Variants in PTPRR observed in about 807,000 individuals in gnomAD.
PTPRR encodes receptor-type tyrosine-protein phosphatase R.
Under a neutral mutation model 77.2 loss-of-function variants are expected in PTPRR, and 38 were observed. The ratio of observed to expected loss-of-function variants is 0.49; its 90% CI spans 0.38 to 0.65. PTPRR has a LOEUF of 0.65. PTPRR is among the 30% of genes least tolerant of loss of function. PTPRR has a pLI of 0.00. For missense variants in PTPRR, 744 were observed against 799.2 expected (o/e 0.93, Z 0.83); for synonymous variants, 299 against 283.1 (o/e 1.06, Z -0.57).
chr12:70,847,709 C>A (rs568288189), intron 2 of PTPRR, among the ~76,000 whole-genome samples: 1 of 152,112 alleles, frequency 6.6e-6, no homozygotes, highest in African/African-American at 2.4e-5. Flanking sequence ...CCTCCTACAA[C>A]CCTAATGCTT....
chr12:70,751,787 A>G lies in PTPRR; in HGVS notation c.738+2404T>C, dbSNP rs970823235. On this transcript the variant is annotated intron_variant, in intron 5 of 13. Transcript: ENST00000283228. ...TTCCCTATCTCTTCATTTTCCCGTT[A>G]TTAACATCTTGCATTGGTGTGATTC... Among the ~76,000 whole-genome samples, 7 of 152,148 alleles carry G rather than the reference A, an allele frequency of 4.6e-5. No individual in the cohort carries two copies. In the East Asian group the frequency reaches 1.3e-3, roughly 29 times the overall value.
chr12:70,785,523 T>C (rs1891302984), intron 2 of PTPRR, among the ~76,000 whole-genome samples: 1 of 152,158 alleles, frequency 6.6e-6, no homozygotes, highest in South Asian at 2.1e-4. Flanking sequence ...CCCCTATCCT[T>C]ATAAGCTGTT....
chr12:70,723,499 T>TAA (rs1407988593), intron 6 of PTPRR, among the ~76,000 whole-genome samples: 1 of 152,182 alleles, frequency 6.6e-6, no homozygotes, highest in Non-Finnish European at 1.5e-5. Context: ...TTTCCAAAGA[T>TAA]AAAATCTTAT....
intron 6 of PTPRR, among the ~76,000 whole-genome samples, chr12:70,733,938 G>T (rs1889775283): frequency 6.6e-6 from 1 of 152,132 alleles, no homozygotes; most frequent in South Asian, 2.1e-4. Context: ...TGTTTGGGCA[G>T]TTCATAAAAT....
chr12:70,773,103 T>C (rs1181020793), intron 2 of PTPRR, among the ~76,000 whole-genome samples: 1 of 152,166 alleles, frequency 6.6e-6, no homozygotes, highest in East Asian at 1.9e-4. Context: ...CCTCCCTGTG[T>C]CTTCACGTCT....
At chr12:70,825,441 T>A (rs1378881957) in intron 2 of PTPRR, among the ~76,000 whole-genome samples, 1 of 152,120 alleles carries the variant, frequency 6.6e-6, no homozygotes, top group Non-Finnish European at 1.5e-5. Flanking sequence ...GCAAACTGCA[T>A]CCAAATCCAA....
At chr12:70,821,874 C>T (rs1892020841) in intron 2 of PTPRR, among the ~76,000 whole-genome samples, 1 of 152,008 alleles carries the variant, frequency 6.6e-6, no homozygotes, top group African/African-American at 2.4e-5. Context: ...CTGTGTTAGC[C>T]AGGATGGTCT....
At chr12:70,824,451 A>G (rs1892075338) in intron 2 of PTPRR, among the ~76,000 whole-genome samples, 1 of 152,230 alleles carries the variant, frequency 6.6e-6, no homozygotes, top group Admixed American at 6.5e-5. Flanking sequence ...TCAAGAAACC[A>G]TGGTAGCTAA....
chr12:70,684,646 A>G, intron 9 of PTPRR, 58 bp downstream of exon 9: 1 of 1,213,770 alleles, frequency 8.2e-7, no homozygotes, highest in Non-Finnish European at 1.2e-6. Flanking sequence ...AAAAGAAAAT[A>G]AAACCAACAA....
intron 2 of PTPRR, among the ~76,000 whole-genome samples, chr12:70,887,653 C>T (rs939031813): frequency 6.6e-6 from 1 of 151,990 alleles, no homozygotes; most frequent in Admixed American, 6.6e-5. Flanking sequence ...GTATATTATT[C>T]TAGGTAGAAC....
chr12:70,874,910 G>A (rs1893024114), intron 2 of PTPRR, among the ~76,000 whole-genome samples: 1 of 104,876 alleles, frequency 9.5e-6, no homozygotes, highest in Admixed American at 1.5e-4. Flanking sequence ...GACAGAGTGA[G>A]ACTCCATCTC....
intron 2 of PTPRR, among the ~76,000 whole-genome samples, chr12:70,777,287 T>C (rs1430734275): frequency 6.6e-6 from 1 of 152,094 alleles, no homozygotes; most frequent in Non-Finnish European, 1.5e-5. Context: ...CTTTGCTATT[T>C]TATGTTTTTT....
chr12:70,794,157 A>C (rs748389137), intron 2 of PTPRR, among the ~76,000 whole-genome samples: 26 of 152,342 alleles, frequency 1.7e-4, no homozygotes, highest in Non-Finnish European at 3.1e-4. Flanking sequence ...TTCTGGAATC[A>C]TATGTGAAAT....
intron 2 of PTPRR, among the ~76,000 whole-genome samples, chr12:70,799,211 G>A (rs922393651): frequency 6.6e-6 from 1 of 152,008 alleles, no homozygotes; most frequent in African/African-American, 2.4e-5. Flanking sequence ...AGCCATGTAG[G>A]ATAAGTCTAT....
intron 2 of PTPRR, among the ~76,000 whole-genome samples, chr12:70,856,780 C>T (rs1892658525): frequency 7.2e-6 from 1 of 139,556 alleles, no homozygotes; most frequent in Non-Finnish European, 1.5e-5. Flanking sequence ...ACTTAGAAAG[C>T]AAGGATAGAG....
Position 70,659,715 on chromosome 12 carries a change from T to C in PTPRR, c.1766+1225A>G, listed in dbSNP as rs866623630. On this transcript the variant is annotated intron_variant, in intron 12 of 13. Coordinates refer to ENST00000283228, the MANE Select transcript of PTPRR (RefSeq NM_002849.4). ...CCAGTATTATCTACCTTTGGATAAA[T>C]AGACACATAGTAAACTTTACTCTTA... 5.5e-4 allele frequency among the ~76,000 whole-genome samples: 84 copies of C among 152,234 alleles called. 2 individuals carry two copies. The highest frequency in any genetic ancestry group is 1.8e-3 in the African/African-American group (73 of 41,538).
At chr12:70,695,560 G>T (rs990974730) in intron 8 of PTPRR, among the ~76,000 whole-genome samples, 2 of 152,174 alleles carry the variant, frequency 1.3e-5, no homozygotes, top group African/African-American at 2.4e-5. Flanking sequence ...AACTGACACA[G>T]GACTATGAAG....
chr12:70,848,525 T>A (rs1295193643), intron 2 of PTPRR, among the ~76,000 whole-genome samples: 1 of 152,188 alleles, frequency 6.6e-6, no homozygotes, highest in Non-Finnish European at 1.5e-5. Flanking sequence ...GGTTCTACCA[T>A]CTTGGCCAGG....
intron 2 of PTPRR, among the ~76,000 whole-genome samples, chr12:70,842,505 C>T (rs867296074): frequency 3.9e-5 from 6 of 152,204 alleles, no homozygotes; most frequent in South Asian, 2.1e-4. Context: ...TGCAGGGCTG[C>T]GCTTCCTCCC....
Sources: allele counts gnomAD v4.1 joint callset (sites outside exome capture counted in the v4.1 genomes callset), GRCh38; gene constraint gnomAD v4.1.1; transcripts MANE v1.5; gene names NCBI Gene and HGNC (gene_info 2026-07-23, HGNC 2026-07-21).